The following THRB variants were observed in gnomAD, a reference collection of about 807,000 sequenced individuals.
THRB encodes the protein nuclear receptor subfamily 1 group A member 2.
Under a neutral mutation model 47.8 loss-of-function variants are expected in THRB, and 12 were observed. The observed-to-expected ratio is 0.25, with a 90% CI of 0.16 to 0.41. THRB has a LOEUF of 0.41. THRB is among the 10% of genes least tolerant of loss of function. THRB has a pLI of 1.00. For synonymous variants in THRB, 218 were observed against 212.2 expected (o/e 1.03, Z -0.24); for missense variants, 348 against 589.2 (o/e 0.59, Z 4.24).
intron 1 of THRB, among the ~76,000 whole-genome samples, chr3:24,457,067 G>A (rs1056005974): frequency 2.0e-5 from 3 of 152,092 alleles, no homozygotes; most frequent in Admixed American, 2.0e-4. Context: ...AGAGAGGGAG[G>A]AAGAAATTAT....
intron 5 of THRB, among the ~76,000 whole-genome samples, chr3:24,189,532 T>G (rs548644933): frequency 1.3e-5 from 2 of 152,116 alleles, no homozygotes; most frequent in South Asian, 2.1e-4. Flanking sequence ...TTTTTTTGCC[T>G]TATGAGCTGA....
Position 24,248,116 on chromosome 3 carries a change from T to C in THRB, c.-42-19115A>G, listed in dbSNP as rs185688705. Among the ~76,000 whole-genome samples, 91 of 152,244 alleles carry C rather than the reference T, an allele frequency of 6.0e-4. 1 individual carries two copies. The highest frequency in any genetic ancestry group is 9.4e-4 in the Non-Finnish European group (64 of 68,022). On this transcript the variant is annotated intron_variant, in intron 3 of 10. Coordinates refer to ENST00000646209, the MANE Select transcript of THRB (RefSeq NM_001354712.2). Reference sequence around the variant, plus strand: ...TGGTTTCTCAGAAAATTAGAACTTCTATTAATAATCAGTGCTCCATTTGAT... The same window carrying C: ...TGGTTTCTCAGAAAATTAGAACTTCCATTAATAATCAGTGCTCCATTTGAT...
intron 1 of THRB, among the ~76,000 whole-genome samples, chr3:24,396,109 T>C (rs1301062825): frequency 1.3e-5 from 2 of 152,056 alleles, no homozygotes; most frequent in African/African-American, 4.8e-5. Context: ...TGTACACTTT[T>C]AATGAGTGAA....
At chr3:24,269,442 C>CACACACACACATATACAT (rs58200122) in intron 3 of THRB, among the ~76,000 whole-genome samples, 15 of 141,040 alleles carry the variant, frequency 1.1e-4, no homozygotes, top group African/African-American at 3.8e-4. Context: ...CACACACACA[C>CACACACACACATATACAT]TTAAGTTATC....
At chr3:24,354,137 C>T (rs1208850347) in intron 1 of THRB, among the ~76,000 whole-genome samples, 1 of 152,144 alleles carries the variant, frequency 6.6e-6, no homozygotes, top group Non-Finnish European at 1.5e-5. Context: ...GAAAGCCAAA[C>T]ACTGCGTGTT....
intron 1 of THRB, among the ~76,000 whole-genome samples, chr3:24,352,008 A>C (rs2063386498): frequency 6.6e-6 from 1 of 152,168 alleles, no homozygotes; most frequent in Non-Finnish European, 1.5e-5. Flanking sequence ...GACAATGAAG[A>C]ATGGTGTGAG....
intron 1 of THRB, among the ~76,000 whole-genome samples, chr3:24,383,651 A>G (rs2065872781): frequency 6.6e-6 from 1 of 152,138 alleles, no homozygotes; most frequent in Admixed American, 6.6e-5. Context: ...TACTAACACA[A>G]TTCTCTTTTC....
chr3:24,156,167 C>T (rs574936878), intron 5 of THRB, among the ~76,000 whole-genome samples: 3 of 152,260 alleles, frequency 2.0e-5, no homozygotes, highest in African/African-American at 4.8e-5. Flanking sequence ...ATTCTCTGAG[C>T]GACTTGTCAT....
chr3:24,232,060 G>C (rs2048312740), intron 3 of THRB, among the ~76,000 whole-genome samples: 1 of 152,166 alleles, frequency 6.6e-6, no homozygotes, highest in Non-Finnish European at 1.5e-5. Context: ...CTCTGGTCAG[G>C]GAAGGGTTTT....
intron 2 of THRB, among the ~76,000 whole-genome samples, chr3:24,298,731 T>G (rs2056654127): frequency 6.6e-6 from 1 of 152,170 alleles, no homozygotes; most frequent in South Asian, 2.1e-4. Context: ...GGCCTCATGT[T>G]CCTCTTACAT....
At chr3:24,342,511 A>C (rs557802288) in intron 1 of THRB, among the ~76,000 whole-genome samples, 4 of 152,120 alleles carry the variant, frequency 2.6e-5, no homozygotes, top group Non-Finnish European at 4.4e-5. Context: ...GTTGTCAGAG[A>C]TACTGTCTGA....
chr3:24,434,350 G>A (rs2125316979), intron 1 of THRB, among the ~76,000 whole-genome samples: 1 of 152,224 alleles, frequency 6.6e-6, no homozygotes, highest in East Asian at 1.9e-4. Context: ...TAAGTGTTCT[G>A]CCAAGGCTCT....
chr3:24,305,654 T>C (rs1559883334), intron 2 of THRB, among the ~76,000 whole-genome samples: 1 of 152,200 alleles, frequency 6.6e-6, no homozygotes, highest in Non-Finnish European at 1.5e-5. Context: ...TTTTAATATA[T>C]TTTAATAATG....
chr3:24,318,166 T>C (rs2149267604), intron 2 of THRB, among the ~76,000 whole-genome samples: 1 of 152,300 alleles, frequency 6.6e-6, no homozygotes, highest in Admixed American at 6.5e-5. Flanking sequence ...GGAAGTATGA[T>C]TCTTTTTGTT....
At chr3:24,183,725 T>G (rs1467277921) in intron 5 of THRB, among the ~76,000 whole-genome samples, 1 of 151,566 alleles carries the variant, frequency 6.6e-6, no homozygotes, top group Admixed American at 6.6e-5. Flanking sequence ...GAAATATCTT[T>G]CATCTTTACA....
intron 2 of THRB, among the ~76,000 whole-genome samples, chr3:24,334,384 A>G (rs1294958882): frequency 2.6e-5 from 4 of 152,236 alleles, no homozygotes. Flanking sequence ...GGAGCAAAGG[A>G]TTAAAAAAAA....
In THRB at chr3:24,261,421, C is replaced by T. The variant is rs9879592; in HGVS notation, c.-42-32420G>A. ...GGCTGAGGCAGGAGAATCACTTGAA[C>T]CCAGGAGATGGAGGTTGCAGTGAGC... On this transcript the variant is annotated intron_variant, in intron 3 of 10. Coordinates refer to ENST00000646209, the MANE Select transcript of THRB (RefSeq NM_001354712.2). Among the ~76,000 whole-genome samples, 156 of 148,960 alleles carry T rather than the reference C, an allele frequency of 1.0e-3. 1 individual carries two copies. Among genetic ancestry groups the T allele is most frequent in the African/African-American group, 3.6e-3 (147 of 40,560 alleles).
chr3:24,338,544 G>C (rs532813885), intron 1 of THRB, among the ~76,000 whole-genome samples: 9 of 152,282 alleles, frequency 5.9e-5, no homozygotes, highest in Non-Finnish European at 1.2e-4. Flanking sequence ...ATACTCAGTT[G>C]TTGGCTTTTC....
chr3:24,242,359 G>A (rs2049623988), intron 3 of THRB, among the ~76,000 whole-genome samples: 1 of 152,044 alleles, frequency 6.6e-6, no homozygotes, highest in African/African-American at 2.4e-5. Context: ...GCTGATTCAT[G>A]TTCGGCTCAC....
Sources: gnomAD v4.1 joint callset for allele counts (sites outside exome capture counted in the v4.1 genomes callset) on GRCh38, gnomAD v4.1.1 for gene constraint, MANE v1.5 for transcripts, NCBI Gene and HGNC (gene_info 2026-07-23, HGNC 2026-07-21) for gene names.